SLC4A4: variants seen among roughly 807,000 people sequenced by gnomAD.
SLC4A4 encodes solute carrier family 4 member 4.
In SLC4A4, 27 loss-of-function variants were observed where a neutral mutation model predicts 111.5. The ratio of observed to expected loss-of-function variants is 0.24; its 90% CI spans 0.18 to 0.33. SLC4A4 has a LOEUF of 0.33. Among genes scored for constraint, SLC4A4 ranks in the 10% least tolerant of loss-of-function variants. The probability of loss-of-function intolerance (pLI) is 1.00; values close to 1 mark genes in which losing one functional copy is unlikely to be tolerated. For missense variants in SLC4A4, 909 were observed against 1,315.5 expected, an observed-to-expected ratio of 0.69 and a Z score of 4.78; for synonymous variants, 443 against 463.4, an observed-to-expected ratio of 0.96 and a Z score of 0.57.
At chr4:71,243,116 A>G (rs774339444) in intron 2 of SLC4A4, among the ~76,000 whole-genome samples, 2 of 152,204 alleles carry the variant, frequency 1.3e-5, no homozygotes, top group Non-Finnish European at 2.9e-5. Context: ...AATCTTGTCC[A>G]TTGTATAATA....
rs747591863 is a variant in SLC4A4 at position 71,255,266 on chromosome 4, GAGA to G, written c.123_125del (p.Arg44del). 21 of 1,613,466 alleles carry G rather than the reference GAGA, an allele frequency of 1.3e-5. No homozygotes were observed. In the East Asian group the frequency reaches 4.0e-4, roughly 31 times the overall value. On this transcript the variant is annotated inframe_deletion, in exon 3 of 26. Transcript: ENST00000264485. ...GAGTCCATGTGCCGAAGAGTTACAG[GAGA>G]AGGAGACGTCACAAGAGAAAGACAG... is the stretch of plus-strand genomic sequence containing the variant.
At position 71,236,662 on chromosome 4, in the gene SLC4A4, G is replaced by A. The variant is rs751950592; in HGVS notation, c.73+13G>A. On this transcript the variant is annotated intron_variant, in intron 2 of 25. Coordinates refer to ENST00000264485, the MANE Select transcript of SLC4A4 (RefSeq NM_001098484.3). ...GAAGAAGTAGAAGGTGAGCTTTATG[G>A]GTCTGGGAAAGTGTCTGTTGACATA... 1 of 1,609,496 alleles carries A rather than the reference G, an allele frequency of 6.2e-7. No individual in the cohort carries two copies. The highest frequency in any genetic ancestry group is 8.5e-7 in the Non-Finnish European group (1 of 1,176,016).
chr4:71,452,733 G>C (rs1453855278), intron 11 of SLC4A4, among the ~76,000 whole-genome samples: 1 of 152,106 alleles, frequency 6.6e-6, no homozygotes, highest in Non-Finnish European at 1.5e-5. Flanking sequence ...TTTGTCATGG[G>C]ACTCAGCTGC....
rs111524391 is a variant in SLC4A4, at chr4:71,367,957, C to A, written c.730+10770C>A. Among the ~76,000 whole-genome samples, 400 of 152,324 alleles carry A rather than the reference C, an allele frequency of 2.6e-3. 2 individuals carry two copies. Among genetic ancestry groups the A allele is most frequent in the African/African-American group, 9.3e-3 (385 of 41,568 alleles). On this transcript the variant is annotated intron_variant, in intron 6 of 25. Transcript: ENST00000264485. ...GACCATTTGTCTCCCCTGTTGTTTGCATACTTATGTGAATAGATTATCTCA... is the reference window on the plus strand; with the variant it reads ...GACCATTTGTCTCCCCTGTTGTTTGAATACTTATGTGAATAGATTATCTCA...
intron 3 of SLC4A4, among the ~76,000 whole-genome samples, chr4:71,314,888 C>A (rs1245521901): frequency 6.6e-6 from 1 of 152,024 alleles, no homozygotes. Flanking sequence ...ACCTATGTAA[C>A]AAACCTGATG....
chr4:71,349,272 C>G (rs539242891), intron 4 of SLC4A4, among the ~76,000 whole-genome samples: 8 of 152,258 alleles, frequency 5.3e-5, no homozygotes, highest in Admixed American at 5.2e-4. Context: ...TATTTAAACA[C>G]ACATGGAACC....
At chr4:71,297,806 T>C (rs1176516165) in intron 3 of SLC4A4, among the ~76,000 whole-genome samples, 1 of 152,110 alleles carries the variant, frequency 6.6e-6, no homozygotes, top group Non-Finnish European at 1.5e-5. Context: ...TGGGCTGATC[T>C]AGAACTCCTG....
intron 1 of SLC4A4, among the ~76,000 whole-genome samples, chr4:71,193,241 G>T (rs1745821604): frequency 6.6e-6 from 1 of 152,154 alleles, no homozygotes; most frequent in African/African-American, 2.4e-5. Context: ...CTCACTGCAA[G>T]CTCCGCCTCC....
chr4:71,133,801 C>T (rs1743772775), intron 2 of SLC4A4, among the ~76,000 whole-genome samples: 1 of 152,206 alleles, frequency 6.6e-6, no homozygotes, highest in Admixed American at 6.5e-5. Context: ...CCGAACTTGG[C>T]ACCCCCGTTG....
intron 12 of SLC4A4, among the ~76,000 whole-genome samples, chr4:71,455,114 C>T (rs998321199): frequency 3.9e-5 from 6 of 152,168 alleles, no homozygotes; most frequent in Non-Finnish European, 8.8e-5. Flanking sequence ...TAAATGTGTA[C>T]GCAGTATTGC....
intron 2 of SLC4A4, among the ~76,000 whole-genome samples, chr4:71,238,432 A>G (rs1719955839): frequency 6.6e-6 from 1 of 152,274 alleles, no homozygotes; most frequent in East Asian, 1.9e-4. Context: ...AAGAAGAAAC[A>G]GAAACACAAC....
intron 6 of SLC4A4, among the ~76,000 whole-genome samples, chr4:71,389,503 G>A (rs1381651899): frequency 1.3e-5 from 2 of 152,134 alleles, no homozygotes; most frequent in Non-Finnish European, 2.9e-5. Flanking sequence ...CTTCTTTGCA[G>A]GGAATTTCTC....
chr4:71,405,399 A>T (rs1720750761), intron 7 of SLC4A4, among the ~76,000 whole-genome samples: 1 of 152,134 alleles, frequency 6.6e-6, no homozygotes, highest in South Asian at 2.1e-4. Context: ...TGATTTTTTT[A>T]AACTAACAAT....
chr4:71,408,968 A>G (rs1156801030), intron 7 of SLC4A4, among the ~76,000 whole-genome samples: 1 of 152,170 alleles, frequency 6.6e-6, no homozygotes, highest in Admixed American at 6.5e-5. Context: ...AATAAGTCTC[A>G]TGAGATCTAT....
intron 2 of SLC4A4, among the ~76,000 whole-genome samples, chr4:71,105,348 A>G (rs1271332086): frequency 5.0e-4 from 73 of 146,780 alleles, no homozygotes; most frequent in African/African-American, 1.8e-3. Context: ...CATACTGCCC[A>G]AGGTAATTTA....
At chr4:71,510,296 T>A (rs1405488225) in intron 16 of SLC4A4, among the ~76,000 whole-genome samples, 1 of 152,226 alleles carries the variant, frequency 6.6e-6, no homozygotes, top group Non-Finnish European at 1.5e-5. Flanking sequence ...TCACACTCCA[T>A]AGGGATTTCA....
At chr4:71,404,319 A>G (rs1450298488) in intron 7 of SLC4A4, among the ~76,000 whole-genome samples, 2 of 152,208 alleles carry the variant, frequency 1.3e-5, no homozygotes, top group Non-Finnish European at 2.9e-5. Context: ...TGGTTCAGAA[A>G]GGAGCATCAG....
At chr4:71,334,065 C>T (rs1485409816) in intron 3 of SLC4A4, among the ~76,000 whole-genome samples, 1 of 152,104 alleles carries the variant, frequency 6.6e-6, no homozygotes, top group Non-Finnish European at 1.5e-5. Flanking sequence ...TCTTCCCTCT[C>T]CTTTCATCCA....
At chr4:71,541,297 T>A (rs1735030523) in intron 18 of SLC4A4, among the ~76,000 whole-genome samples, 1 of 151,944 alleles carries the variant, frequency 6.6e-6, no homozygotes, top group South Asian at 2.1e-4. Context: ...GGAGAGTGGG[T>A]TGTCAGGGAC....
Sources: allele counts gnomAD v4.1 joint callset (sites outside exome capture counted in the v4.1 genomes callset), GRCh38; gene constraint gnomAD v4.1.1; transcripts MANE v1.5; gene names NCBI Gene and HGNC (gene_info 2026-07-23, HGNC 2026-07-21).